TARS1: variants seen among roughly 807,000 people sequenced by gnomAD.
TARS1 encodes the protein threonine--tRNA ligase 1, cytoplasmic.
Under a neutral mutation model 97.7 loss-of-function variants are expected in TARS1, and 57 were observed. The ratio of observed to expected loss-of-function variants is 0.58; its 90% CI spans 0.47 to 0.73. The LOEUF (loss-of-function observed/expected upper bound fraction) is 0.73, where lower values mean the gene tolerates loss of function less well. Ranked by LOEUF, TARS1 falls within the 30% of genes least tolerant of loss-of-function variation. The probability of loss-of-function intolerance (pLI) is 0.00; values close to 1 mark genes in which losing one functional copy is unlikely to be tolerated. For missense variants in TARS1, 806 were observed against 888.3 expected, an observed-to-expected ratio of 0.91 and a Z score of 1.18; for synonymous variants, 312 against 293.7, an observed-to-expected ratio of 1.06 and a Z score of -0.64.
At chr5:33,467,397 A>C (rs1742578240) in intron 18 of TARS1, among the ~76,000 whole-genome samples, 163 bp from the exon 19 acceptor site, 1 of 152,200 alleles carries the variant, frequency 6.6e-6, no homozygotes, top group African/African-American at 2.4e-5. Flanking sequence ...GATATTGCAA[A>C]GAGTTTCTTT....
At chr5:33,461,607 T>G in intron 13 of TARS1, 60 bp from the exon 14 acceptor site, 1 of 1,492,300 alleles carries the variant, frequency 6.7e-7, no homozygotes, top group East Asian at 2.3e-5. Context: ...AGTCTCAAAT[T>G]AGGCTAAAAG....
At chr5:33,461,412 C>G (rs1742286336) in intron 13 of TARS1, 117 bp downstream of exon 13, 3 of 1,410,524 alleles carry the variant, frequency 2.1e-6, no homozygotes, top group African/African-American at 1.4e-5. Flanking sequence ...GAAATGGTTC[C>G]TAGGTTTGTG....
At position 33,461,999 on chromosome 5, in the gene TARS1, T is replaced by A. The variant is rs541560329; in HGVS notation, c.1723T>A (p.Tyr575Asn). 2 of 1,613,790 alleles carry A rather than the reference T, an allele frequency of 1.2e-6. No homozygotes were observed. The highest frequency in any genetic ancestry group is 1.7e-6 in the Non-Finnish European group (2 of 1,179,728). The part of the protein sequence containing the change: ...FQLPIRFNLT[Y>N]VSHDGDDKKR... ...GTTGCCCATCAGATTTAATCTTACT[T>A]ATGTAAGGTGAGTTTCTGGTGTCTG... The change falls in exon 15 of 19, where the codon TAT (tyrosine) becomes AAT (asparagine). Residue 575 changes from tyrosine (Y) to asparagine (N), a missense_variant. By Grantham distance (143) the Tyr-to-Asn change is moderately radical (BLOSUM62 -2). Transcript: ENST00000265112.
At chr5:33,466,655 T>C (rs1368066859) in intron 17 of TARS1, 2 of 352,162 alleles carry the variant, frequency 5.7e-6, no homozygotes, top group African/African-American at 4.2e-5. Context: ...AAACATTGTT[T>C]ACTTAATACA....
rs370983769 is a variant in TARS1, at chr5:33,462,228, T to A, written c.1835+25T>A. The A allele has an allele frequency of 5.9e-5, 94 of 1,587,890 alleles. 1 individual carries two copies. In the Middle Eastern group the frequency reaches 1.6e-3, roughly 27 times the overall value. ...GGTAATTTTTGTCACTGTCTTTTTT[T>A]TCTGATTAGTATAAATTGGCTACAA... On this transcript the variant is annotated intron_variant, in intron 16 of 18. Coordinates refer to ENST00000265112, the MANE Select transcript of TARS1 (RefSeq NM_152295.5).
chr5:33,461,416 G>T, intron 13 of TARS1, 121 bp downstream of exon 13: 1 of 1,372,950 alleles, frequency 7.3e-7, no homozygotes, highest in Non-Finnish European at 9.9e-7. Flanking sequence ...TGGTTCCTAG[G>T]TTTGTGTAAG....
At chr5:33,462,766 C>A (rs1055570226) in intron 16 of TARS1, among the ~76,000 whole-genome samples, 13 of 152,106 alleles carry the variant, frequency 8.5e-5, no homozygotes, top group African/African-American at 2.7e-4. Context: ...TTTTCTGGAC[C>A]CACAGTGCAT....
chr5:33,443,305 C>T (rs1741210560), intron 1 of TARS1, among the ~76,000 whole-genome samples: 1 of 134,576 alleles, frequency 7.4e-6, no homozygotes, highest in South Asian at 2.8e-4. Flanking sequence ...TGTGGTGATT[C>T]CCTCTCTCTC....
At chr5:33,450,505 C>G (rs966661978) in intron 3 of TARS1, among the ~76,000 whole-genome samples, 3 of 152,162 alleles carry the variant, frequency 2.0e-5, no homozygotes, top group Admixed American at 2.0e-4. Flanking sequence ...GTGCTTCTAC[C>G]TACAAGTTCT....
At chr5:33,449,441 C>CTT (rs1741609657) in intron 3 of TARS1, among the ~76,000 whole-genome samples, 1 of 103,936 alleles carries the variant, frequency 9.6e-6, no homozygotes, top group African/African-American at 3.7e-5. Context: ...TTCTTTTTTT[C>CTT]TTTCTTTTTT....
In TARS1 at chr5:33,458,562, C is replaced by T. The variant is rs377166415; in HGVS notation, c.985-4C>T. 6.2e-7 allele frequency: 1 copy of T among 1,610,642 alleles called. No individual in the cohort carries two copies. The highest frequency in any genetic ancestry group is 1.3e-5 in the African/African-American group (1 of 74,820). ...AAACATTCTTTTGCTTTTCTTTTAC[C>T]CAGGACCAAGAACTATATTTCTTTC... On this transcript the variant is annotated splice_polypyrimidine_tract_variant and splice_region_variant and intron_variant, in intron 9 of 18. Coordinates refer to ENST00000265112, the MANE Select transcript of TARS1 (RefSeq NM_152295.5).
chr5:33,452,030 A>G (rs1741767652), intron 3 of TARS1, among the ~76,000 whole-genome samples: 1 of 152,238 alleles, frequency 6.6e-6, no homozygotes. Flanking sequence ...TAGTAGGAGC[A>G]TTGAAAATAG....
In TARS1 at chr5:33,448,678, G is replaced by T; in HGVS notation, c.276G>T (p.Gln92His). The T allele has an allele frequency of 2.5e-6, 4 of 1,613,826 alleles. No individual in the cohort carries two copies. Among genetic ancestry groups the T allele is most frequent in the Non-Finnish European group, 3.4e-6 (4 of 1,179,876 alleles). Residue 92 changes from glutamine to histidine, a missense_variant, in exon 3 of 19, where the codon CAG becomes CAT. Around this residue, in one of 3 missense-constraint regions of TARS1, gnomAD observed 356 missense variants for 357.8 expected, o/e 0.99. Coordinates refer to ENST00000265112, the MANE Select transcript of TARS1 (RefSeq NM_152295.5). Reference sequence around the variant, plus strand: ...AAGTCACTTTGCCTGATGGTAAACAGGTTGATGCGGAATCTTGGAAAACTA... The same window carrying T: ...AAGTCACTTTGCCTGATGGTAAACATGTTGATGCGGAATCTTGGAAAACTA... ...PIKVTLPDGK[Q>H]VDAESWKTTP...
At chr5:33,463,003 A>G (rs1429249315) in intron 16 of TARS1, among the ~76,000 whole-genome samples, 1 of 152,258 alleles carries the variant, frequency 6.6e-6, no homozygotes, top group Non-Finnish European at 1.5e-5. Context: ...AATGTGAGAC[A>G]CATTCTCTGC....
Position 33,466,985 on chromosome 5 carries a change from G to A in TARS1, c.2023G>A (p.Val675Ile). The stretch of plus-strand genomic sequence containing the variant: ...GTTAGCACAGTATAACTTCATTTTA[G>A]GTAAGAATGGAAACTTACCAAAGAA... The part of the protein sequence containing the change: ...AQLAQYNFIL[V>I]VGEKEKISGT... Residue 675 changes from valine to isoleucine, a missense_variant and splice_region_variant, in exon 18 of 19, where the codon GTT (valine) becomes ATT (isoleucine). By Grantham distance (29) the Val-to-Ile change is conservative (BLOSUM62 3). Coordinates refer to ENST00000265112, the MANE Select transcript of TARS1 (RefSeq NM_152295.5). 4 of 1,541,644 alleles carry A rather than the reference G, an allele frequency of 2.6e-6. No homozygotes were observed. Among genetic ancestry groups the A allele is most frequent in the South Asian group, 2.5e-5 (2 of 78,676 alleles).
rs1491017639 is a variant in TARS1 at position 33,453,284 on chromosome 5, TTA to T, written c.330-4_330-3del. The T allele has an allele frequency of 1.3e-6, 2 of 1,552,424 alleles. No individual in the cohort carries two copies. Among genetic ancestry groups the T allele is most frequent in the Non-Finnish European group, 1.7e-6 (2 of 1,161,588 alleles). On this transcript the variant is annotated splice_region_variant and splice_polypyrimidine_tract_variant and intron_variant, in intron 3 of 18. Coordinates refer to ENST00000265112, the MANE Select transcript of TARS1 (RefSeq NM_152295.5). The stretch of plus-strand genomic sequence containing the variant: ...TGGACTTTTTTTTTTTTTTTTTTTT[TTA>T]AGTCAAGGCCTGGCCGACAACACCG...
intron 2 of TARS1, chr5:33,446,160 C>A: frequency 6.3e-6 from 1 of 159,880 alleles, no homozygotes; most frequent in Admixed American, 6.0e-5. Context: ...AGTAAGCTGG[C>A]TTTTAAGAGC....
chr5:33,452,413 A>G lies in TARS1; in HGVS notation c.330-876A>G, dbSNP rs548750314. ...CATCTGTGGCCATTCCCTCATCTGG[A>G]ATGCCATGGCCTCCTCTTTTCTTCC... is the stretch of plus-strand genomic sequence containing the variant. On this transcript the variant is annotated intron_variant, in intron 3 of 18. Coordinates refer to ENST00000265112, the MANE Select transcript of TARS1 (RefSeq NM_152295.5). 17 of 1,535,162 alleles carry G rather than the reference A, an allele frequency of 1.1e-5. No individual in the cohort carries two copies. In the African/African-American group the frequency reaches 2.1e-4, roughly 19 times the overall value.
intron 3 of TARS1, among the ~76,000 whole-genome samples, chr5:33,449,319 ATATATATACGCGTATATATACACGTG>A (rs1741587418): frequency 1.4e-5 from 2 of 141,012 alleles, no homozygotes; most frequent in South Asian, 2.4e-4. Context: ...ATATATGTGT[ATATATATACGCGTATATATACACGTG>A]TATATATATA....
Sources: gnomAD v4.1 joint callset for allele counts (sites outside exome capture counted in the v4.1 genomes callset) on GRCh38, gnomAD v4.1.1 for gene constraint, gnomAD v4.1.1 regional missense constraint, MANE v1.5 for transcripts, NCBI Gene and HGNC (gene_info 2026-07-23, HGNC 2026-07-21) for gene names.